The following PDE10A variants were observed in gnomAD, a reference collection of about 807,000 sequenced individuals.
The protein encoded by PDE10A is cAMP and cAMP-inhibited cGMP 3',5'-cyclic phosphodiesterase 10A.
A neutral mutation model predicts 97.7 loss-of-function variants in PDE10A; 39 were observed. The observed-to-expected ratio is 0.40, with a 90% CI of 0.31 to 0.52. The LOEUF (loss-of-function observed/expected upper bound fraction) is 0.52. Ranked by LOEUF, PDE10A falls within the 20% of genes least tolerant of loss-of-function variation. The pLI is 0.56. For synonymous variants in PDE10A, 371 were observed against 376.8 expected, an observed-to-expected ratio of 0.98 and a Z score of 0.18; for missense variants, 731 against 1,047.8, an observed-to-expected ratio of 0.70 and a Z score of 4.17.
At chr6:165,456,237 T>C (rs754377807) in intron 3 of PDE10A, among the ~76,000 whole-genome samples, 7 of 152,176 alleles carry the variant, frequency 4.6e-5, no homozygotes, top group East Asian at 1.9e-4. Context: ...AGCCAAACAA[T>C]AGTGAGAGAC....
chr6:165,852,876 C>G (rs1161063628), intron 1 of PDE10A, among the ~76,000 whole-genome samples: 1 of 152,238 alleles, frequency 6.6e-6, no homozygotes, highest in Non-Finnish European at 1.5e-5. Context: ...TTCTGAGACA[C>G]AGGTGTGCAG....
chr6:165,350,313 A>G (rs940668507), intron 18 of PDE10A, among the ~76,000 whole-genome samples: 13 of 152,140 alleles, frequency 8.5e-5, no homozygotes, highest in Non-Finnish European at 1.6e-4. Context: ...TTGGAACTTT[A>G]AGGTTTAATG....
At chr6:165,590,872 C>G (rs1352923964) in intron 1 of PDE10A, among the ~76,000 whole-genome samples, 1 of 152,090 alleles carries the variant, frequency 6.6e-6, no homozygotes, top group African/African-American at 2.4e-5. Flanking sequence ...GCCTGGGCGA[C>G]AGAGCGAGAC....
At position 165,877,669 on chromosome 6, in the gene PDE10A, A is replaced by C. The variant is rs571729732; in HGVS notation, c.-615+109860T>G. Among the ~76,000 whole-genome samples, 23 of 152,318 alleles carry C rather than the reference A, an allele frequency of 1.5e-4. No individual in the cohort carries two copies. The South Asian group carries it at 4.8e-3, about 32-fold the overall frequency. On this transcript the variant is annotated intron_variant, in intron 1 of 19. Transcript: ENST00000366882. The stretch of plus-strand genomic sequence containing the variant: ...ATATTTATAAATAATGGGATACTTA[A>C]AAAAATCTTATCTTAATGTGATTTT...
intron 1 of PDE10A, among the ~76,000 whole-genome samples, chr6:165,570,636 A>C (rs1785004978): frequency 6.6e-6 from 1 of 152,244 alleles, no homozygotes; most frequent in African/African-American, 2.4e-5. Flanking sequence ...TGGCATCTCA[A>C]CACAAAAGGG....
At chr6:165,659,628 TA>T (rs1328798681) in intron 1 of PDE10A, among the ~76,000 whole-genome samples, 9 of 152,258 alleles carry the variant, frequency 5.9e-5, no homozygotes, top group African/African-American at 1.9e-4. Context: ...AAGACTGTTC[TA>T]ACCTTTTGCT....
At chr6:165,537,396 C>G (rs1488470944) in intron 2 of PDE10A, among the ~76,000 whole-genome samples, 1 of 151,818 alleles carries the variant, frequency 6.6e-6, no homozygotes, top group Non-Finnish European at 1.5e-5. Flanking sequence ...AATCATTAAA[C>G]CTGAATAGTA....
intron 1 of PDE10A, among the ~76,000 whole-genome samples, chr6:165,975,199 G>C (rs1784813066): frequency 6.6e-6 from 1 of 152,196 alleles, no homozygotes; most frequent in East Asian, 1.9e-4. Context: ...AACTGAGACT[G>C]ACTGAGAGCC....
At chr6:165,759,822 T>A (rs1177646949) in intron 1 of PDE10A, among the ~76,000 whole-genome samples, 1 of 152,146 alleles carries the variant, frequency 6.6e-6, no homozygotes, top group Non-Finnish European at 1.5e-5. Flanking sequence ...CTGGCCTACA[T>A]GGTGTATTTT....
At position 165,396,339 on chromosome 6, in the gene PDE10A, G is replaced by T. The variant is rs777040046; in HGVS notation, c.2197C>A (p.Arg733Ser). ...TACAATTCAATTTCTTTGCAGAGACGCACGGGAAGGGTGAATTGCATGAGA... is the reference window on the plus strand; with the variant it reads ...TACAATTCAATTTCTTTGCAGAGACTCACGGGAAGGGTGAATTGCATGAGA... ...QGLMQFTLPVRLCKEIELFHF... is the reference protein window; with the variant it reads ...QGLMQFTLPVSLCKEIELFHF... Residue 733 changes from arginine (R) to serine (S), a missense_variant, in exon 14 of 22, where the codon CGT becomes AGT. Coordinates refer to ENST00000539869, the MANE Select transcript of PDE10A (RefSeq NM_001385079.1). 5.0e-6 allele frequency: 8 copies of T among 1,612,600 alleles called. No homozygotes were observed. Among genetic ancestry groups the T allele is most frequent in the Non-Finnish European group, 6.8e-6 (8 of 1,179,230 alleles).
At chr6:165,672,167 CATTA>C in intron 1 of PDE10A, among the ~76,000 whole-genome samples, 1 of 152,288 alleles carries the variant, frequency 6.6e-6, no homozygotes, top group South Asian at 2.1e-4. Flanking sequence ...ATCAGAAACT[CATTA>C]ATTACGTAAA....
At position 165,782,401 on chromosome 6, in the gene PDE10A, G is replaced by A. The variant is rs918928996; in HGVS notation, c.-615+205128C>T. ...TCACCGTAAATCACTCTCAAACCTC[G>A]TCAGAGTCCACAGCAGGGCCAAGGC... On this transcript the variant is annotated intron_variant, in intron 1 of 19. Coordinates refer to the PDE10A transcript ENST00000366882. 5.9e-5 allele frequency among the ~76,000 whole-genome samples: 9 copies of A among 152,118 alleles called. No individual in the cohort carries two copies. The South Asian group carries it at 1.0e-3, about 18-fold the overall frequency.
At chr6:165,903,931 G>A (rs1782188515) in intron 1 of PDE10A, among the ~76,000 whole-genome samples, 1 of 152,174 alleles carries the variant, frequency 6.6e-6, no homozygotes, top group Non-Finnish European at 1.5e-5. Flanking sequence ...TAGCAAGAAG[G>A]AGGCCACTGG....
At chr6:165,595,917 G>A (rs908928338) in intron 1 of PDE10A, among the ~76,000 whole-genome samples, 1 of 152,116 alleles carries the variant, frequency 6.6e-6, no homozygotes, top group African/African-American at 2.4e-5. Context: ...ATCTACCTTG[G>A]TGATTATGTT....
intron 1 of PDE10A, among the ~76,000 whole-genome samples, chr6:165,927,761 A>G (rs1456593702): frequency 3.4e-5 from 5 of 148,092 alleles, no homozygotes; most frequent in Non-Finnish European, 7.4e-5. Context: ...CAGTGGCACC[A>G]TCTCGGCTCA....
intron 18 of PDE10A, among the ~76,000 whole-genome samples, chr6:165,364,653 A>C (rs1026409404): frequency 1.3e-5 from 2 of 152,086 alleles, no homozygotes; most frequent in African/African-American, 4.8e-5. Flanking sequence ...CAAAACTTAA[A>C]ATTAGTGTAA....
At chr6:165,478,887 A>G (rs1779444313) in intron 3 of PDE10A, among the ~76,000 whole-genome samples, 1 of 152,186 alleles carries the variant, frequency 6.6e-6, no homozygotes, top group Non-Finnish European at 1.5e-5. Context: ...CTAATTGCCC[A>G]TCAGAAAATT....
In PDE10A at chr6:165,930,957, G is replaced by A. The variant is rs1366954985; in HGVS notation, c.-615+56572C>T. Among the ~76,000 whole-genome samples the A allele has an allele frequency of 5.9e-5, 9 of 152,218 alleles. No individual in the cohort carries two copies. The East Asian group carries it at 7.7e-4, about 13-fold the overall frequency. On this transcript the variant is annotated intron_variant, in intron 1 of 19. Coordinates refer to the PDE10A transcript ENST00000366882. Reference sequence around the variant, plus strand: ...AAACTGAGGGAACCGCAAGGAGAACGAGCCAGCCCCGTGAAATATGGTGAG... The same window carrying A: ...AAACTGAGGGAACCGCAAGGAGAACAAGCCAGCCCCGTGAAATATGGTGAG...
At chr6:165,447,679 T>C (rs532000079) in intron 5 of PDE10A, among the ~76,000 whole-genome samples, 2 of 152,374 alleles carry the variant, frequency 1.3e-5, no homozygotes, top group African/African-American at 4.8e-5. Flanking sequence ...TTTCGTAGCT[T>C]AGCCATTTTA....
Sources: gnomAD v4.1 joint callset for allele counts (sites outside exome capture counted in the v4.1 genomes callset) on GRCh38, gnomAD v4.1.1 for gene constraint, MANE v1.5 for transcripts, NCBI Gene and HGNC (gene_info 2026-07-23, HGNC 2026-07-21) for gene names.